PLPPR5: variants seen among roughly 807,000 people sequenced by gnomAD.
PLPPR5 encodes the protein phospholipid phosphatase related 5.
In PLPPR5, 16 loss-of-function variants were observed where a neutral mutation model predicts 33.9. That is an observed-to-expected ratio of 0.47 (90% CI 0.32 to 0.72). PLPPR5 has a LOEUF of 0.72. Among genes scored for constraint, PLPPR5 ranks in the 30% least tolerant of loss-of-function variants. The probability of loss-of-function intolerance (pLI) is 0.03; values close to 1 mark genes in which losing one functional copy is unlikely to be tolerated. For missense variants in PLPPR5, 301 were observed against 406.7 expected (o/e 0.74, Z 2.23); for synonymous variants, 163 against 150.3 (o/e 1.08, Z -0.62).
intron 1 of PLPPR5, among the ~76,000 whole-genome samples, chr1:98,983,227 T>TCCCTCCC (rs1401151327): frequency 2.6e-5 from 3 of 113,342 alleles, no homozygotes; most frequent in African/African-American, 1.0e-4. Context: ...CCCAATGCTA[T>TCCCTCCC]CCCTCCCCCC....
At chr1:98,893,528 C>A (rs1467161061) in intron 5 of PLPPR5, among the ~76,000 whole-genome samples, 1 of 150,018 alleles carries the variant, frequency 6.7e-6, no homozygotes, top group Non-Finnish European at 1.5e-5. Context: ...TGACAAAAAT[C>A]TACTTAAACA....
At chr1:98,978,435 C>T (rs966925769) in intron 1 of PLPPR5, among the ~76,000 whole-genome samples, 6 of 151,944 alleles carry the variant, frequency 3.9e-5, no homozygotes, top group Admixed American at 1.3e-4. Flanking sequence ...GCTCTCTTCA[C>T]GTGTTCATAA....
At chr1:98,928,291 C>T (rs1209616257) in intron 3 of PLPPR5, among the ~76,000 whole-genome samples, 4 of 151,832 alleles carry the variant, frequency 2.6e-5, no homozygotes, top group African/African-American at 9.7e-5. Flanking sequence ...CTACTTTTTA[C>T]ACTGTAAATT....
chr1:98,961,976 A>T (rs1651265546), intron 1 of PLPPR5, among the ~76,000 whole-genome samples: 1 of 152,172 alleles, frequency 6.6e-6, no homozygotes, highest in Non-Finnish European at 1.5e-5. Flanking sequence ...AAACAGTGAC[A>T]TCTCAACATG....
intron 1 of PLPPR5, among the ~76,000 whole-genome samples, chr1:98,980,093 A>C (rs1652002518): frequency 6.6e-6 from 1 of 152,074 alleles, no homozygotes; most frequent in Non-Finnish European, 1.5e-5. Context: ...CTCAGGCATC[A>C]GGGATGCTCT....
chr1:98,993,154 T>C (rs775168490), intron 1 of PLPPR5, among the ~76,000 whole-genome samples: 1 of 152,178 alleles, frequency 6.6e-6, no homozygotes, highest in Non-Finnish European at 1.5e-5. Flanking sequence ...ATTAGTTGCA[T>C]AACCTTGGCC....
At chr1:98,901,025 G>A (rs868085064) in intron 5 of PLPPR5, among the ~76,000 whole-genome samples, 71 of 152,112 alleles carry the variant, frequency 4.7e-4, no homozygotes, top group African/African-American at 1.7e-3. Context: ...CCAAAAAACT[G>A]TATATGAATG....
intron 5 of PLPPR5, among the ~76,000 whole-genome samples, chr1:98,908,342 TC>T (rs1427234448): frequency 6.6e-6 from 1 of 152,196 alleles, no homozygotes; most frequent in African/African-American, 2.4e-5. Flanking sequence ...TAGTTTTCAC[TC>T]TTGGTGACAC....
chr1:98,926,641 T>G (rs1649778124), intron 3 of PLPPR5, among the ~76,000 whole-genome samples: 2 of 152,122 alleles, frequency 1.3e-5, no homozygotes, highest in South Asian at 4.1e-4. Context: ...TTTATTATTG[T>G]TTTCAAAAAA....
chr1:98,903,105 C>G (rs1423650694), intron 5 of PLPPR5, among the ~76,000 whole-genome samples: 1 of 152,040 alleles, frequency 6.6e-6, no homozygotes, highest in Non-Finnish European at 1.5e-5. Flanking sequence ...AATTTTTAAG[C>G]TTCCACTTTC....
chr1:98,978,479 A>G (rs1651944223), intron 1 of PLPPR5, among the ~76,000 whole-genome samples: 1 of 152,014 alleles, frequency 6.6e-6, no homozygotes, highest in South Asian at 2.1e-4. Context: ...CCTCAATACT[A>G]TAAAACAGAC....
chr1:98,982,738 C>G (rs531656086), intron 1 of PLPPR5, among the ~76,000 whole-genome samples: 1 of 152,198 alleles, frequency 6.6e-6, no homozygotes, highest in Non-Finnish European at 1.5e-5. Flanking sequence ...CTGAATATCA[C>G]TGCTGACAAC....
chr1:98,974,913 C>T (rs895906102), intron 1 of PLPPR5, among the ~76,000 whole-genome samples: 1 of 152,036 alleles, frequency 6.6e-6, no homozygotes, highest in East Asian at 1.9e-4. Context: ...GTCTGTCTTA[C>T]AGGCAGTGAA....
intron 3 of PLPPR5, among the ~76,000 whole-genome samples, chr1:98,951,644 G>T (rs960886575): frequency 1.3e-5 from 2 of 152,146 alleles, no homozygotes; most frequent in African/African-American, 4.8e-5. Context: ...TCCTGCCATT[G>T]TAAATGTTAC....
chr1:98,951,464 G>C (rs1426344201), intron 3 of PLPPR5, among the ~76,000 whole-genome samples: 1 of 152,126 alleles, frequency 6.6e-6, no homozygotes, highest in Non-Finnish European at 1.5e-5. Context: ...AGAAAAGTTA[G>C]GAAGCAGTGA....
At chr1:98,952,839 A>T (rs1650838969) in intron 3 of PLPPR5, among the ~76,000 whole-genome samples, 3 of 152,198 alleles carry the variant, frequency 2.0e-5, no homozygotes, top group Admixed American at 1.3e-4. Context: ...AGAAATGCTA[A>T]TGGCTACATT....
chr1:98,965,469 G>T (rs17119299), intron 1 of PLPPR5, among the ~76,000 whole-genome samples: 7,344 of 152,224 alleles, frequency 0.048, 224 homozygotes, highest in East Asian at 0.14. Flanking sequence ...GGACAGGTCT[G>T]GTATCTAGCC....
At chr1:98,951,496 G>A (rs1476619370) in intron 3 of PLPPR5, among the ~76,000 whole-genome samples, 1 of 152,130 alleles carries the variant, frequency 6.6e-6, no homozygotes, top group Non-Finnish European at 1.5e-5. Context: ...AATAAGATAG[G>A]ATAAAGGAAA....
chr1:98,984,391 G>T (rs1282021341), intron 1 of PLPPR5, among the ~76,000 whole-genome samples: 1 of 152,042 alleles, frequency 6.6e-6, no homozygotes, highest in Non-Finnish European at 1.5e-5. Flanking sequence ...AGCTATGCTT[G>T]CCTTTTACAT....
Sources: gnomAD v4.1 joint callset for allele counts (sites outside exome capture counted in the v4.1 genomes callset) on GRCh38, gnomAD v4.1.1 for gene constraint, MANE v1.5 for transcripts, NCBI Gene and HGNC (gene_info 2026-07-23, HGNC 2026-07-21) for gene names.